Variants in MPDZ observed in about 807,000 individuals in gnomAD.
MPDZ encodes multiple PDZ domain crumbs cell polarity complex component.
MPDZ carries 234 observed loss-of-function variants against 239.1 expected under a neutral mutation model. The ratio of observed to expected loss-of-function variants is 0.98; its 90% CI spans 0.88 to 1.09. The LOEUF (loss-of-function observed/expected upper bound fraction) is 1.09. MPDZ is among the 50% of genes least tolerant of loss of function. The pLI, the probability that MPDZ is intolerant of heterozygous loss-of-function variation, is 0.00. For synonymous variants in MPDZ, 1,048 were observed against 881.3 expected (o/e 1.19, Z -3.35); for missense variants, 3,175 against 2,510.0 (o/e 1.26, Z -5.66).
intron 22 of MPDZ, among the ~76,000 whole-genome samples, chr9:13,164,649 A>T (rs1950848949): frequency 6.6e-6 from 1 of 152,128 alleles, no homozygotes; most frequent in Non-Finnish European, 1.5e-5. Context: ...GTTTTTCTTT[A>T]TATTTGTTCA....
chr9:13,142,906 T>C (rs934218890), intron 27 of MPDZ, among the ~76,000 whole-genome samples: 2 of 152,138 alleles, frequency 1.3e-5, no homozygotes, highest in Admixed American at 6.6e-5. Context: ...TTTGGTTTTA[T>C]AATTTCATCA....
At position 13,186,334 on chromosome 9, in the gene MPDZ, G is replaced by A. The variant is rs773026729; in HGVS notation, c.2417C>T (p.Pro806Leu). 58 of 1,594,552 alleles carry A rather than the reference G, an allele frequency of 3.6e-5. 1 individual carries two copies. The South Asian group carries it at 6.2e-4, about 17-fold the overall frequency. Residue 806 changes from proline to leucine, a missense_variant, in exon 18 of 47, where the codon CCA (proline) becomes CTA (leucine). Pro to Leu is a moderately conservative substitution (Grantham distance 98, BLOSUM62 -3). Coordinates refer to ENST00000319217, the MANE Select transcript of MPDZ (RefSeq NM_001378778.1). ...CCCTGCTTCCTCACAGGAGTGTGGT[G>A]GGTAGAGAAAGGAATCCTCCTTAGC... ...VSAKEDSFLY[P>L]PHSCEEAGLA... is the part of the protein sequence containing the mutation.
In MPDZ at chr9:13,222,353, C is replaced by A. The variant is rs202169679; in HGVS notation, c.627G>T (p.Leu209=). ...TITHQQAISI[L]QKAKDTVQLV... ...GCTGGACAGTATCTTTGGCTTTCTG[C>A]AGGATGCTGATAGCCTGCTGATGTG... The change falls in exon 6 of 47, where the codon CTG becomes CTT. Residue 209 remains leucine, a synonymous_variant. Transcript: ENST00000319217. The A allele has an allele frequency of 3.1e-6, 5 of 1,612,972 alleles. No homozygotes were observed. The highest frequency in any genetic ancestry group is 4.2e-6 in the Non-Finnish European group (5 of 1,179,298).
intron 1 of MPDZ, among the ~76,000 whole-genome samples, chr9:13,272,299 G>A (rs1973161100): frequency 6.6e-6 from 1 of 151,982 alleles, no homozygotes; most frequent in Admixed American, 6.6e-5. Flanking sequence ...GCTAGCTAGG[G>A]AGCAATAACC....
In MPDZ at chr9:13,143,472, G is replaced by T. The variant is rs376910378; in HGVS notation, c.3834C>A (p.Ala1278=). 8.1e-6 allele frequency: 13 copies of T among 1,610,834 alleles called. No individual in the cohort carries two copies. The highest frequency in any genetic ancestry group is 3.3e-4 in the Middle Eastern group (2 of 6,066). The change falls in exon 27 of 47, where the codon GCC becomes GCA. Residue 1278 remains alanine, a synonymous_variant. Coordinates refer to ENST00000319217, the MANE Select transcript of MPDZ (RefSeq NM_001378778.1). ...NPFADSLQIN[A]DKAPSQSESE... ...ACAATGGGCATTATCCAACCTTGTC[G>T]GCGTTGATTTGTAGAGAGTCAGCAA...
intron 23 of MPDZ, among the ~76,000 whole-genome samples, chr9:13,160,070 C>T (rs1950281852): frequency 6.6e-6 from 1 of 152,176 alleles, no homozygotes; most frequent in South Asian, 2.1e-4. Flanking sequence ...GAGAAAGACA[C>T]TGGCAGACAG....
In MPDZ at chr9:13,115,901, T is replaced by C. The variant is rs539728792; in HGVS notation, c.5380-567A>G. Among the ~76,000 whole-genome samples, 21 of 139,388 alleles carry C rather than the reference T, an allele frequency of 1.5e-4. No homozygotes were observed. In the South Asian group the frequency reaches 4.5e-3, roughly 30 times the overall value. 91.4% of individuals were successfully genotyped at this position (139,388 alleles called of 152,430 possible). A position where few individuals can be genotyped will look rare whatever the true frequency, so the allele number is the denominator to read the frequency against. The stretch of plus-strand genomic sequence containing the variant: ...CGGAGCTTGCAGTGAGCCAAGATCA[T>C]GCCACTGCACTCCACCTGGGTGACA... On this transcript the variant is annotated intron_variant, in intron 39 of 46. Transcript: ENST00000319217.
intron 3 of MPDZ, among the ~76,000 whole-genome samples, chr9:13,229,983 C>G (rs1961897443): frequency 1.3e-5 from 2 of 150,928 alleles, no homozygotes; most frequent in Non-Finnish European, 3.0e-5. Context: ...AAAGAAAACT[C>G]AAAATTCAAT....
chr9:13,172,969 T>C (rs1273993501), intron 21 of MPDZ, among the ~76,000 whole-genome samples: 1 of 152,200 alleles, frequency 6.6e-6, no homozygotes, highest in East Asian at 1.9e-4. Flanking sequence ...AAAAGGAAAT[T>C]CTGACACATG....
chr9:13,223,690 A>C lies in MPDZ; in HGVS notation c.414T>G (p.Phe138Leu). The change falls in exon 5 of 47, where the codon TTT becomes TTG. Residue 138 changes from phenylalanine to leucine, a missense_variant. Transcript: ENST00000319217. ...NMAQGRHVEV[F>L]ELLKPPSGGL... ...CTCCAGATGGAGGTTTGAGGAGCTCAAAAACTTCTACATGGCGACCCTGTT... is the reference window on the plus strand; with the variant it reads ...CTCCAGATGGAGGTTTGAGGAGCTCCAAAACTTCTACATGGCGACCCTGTT... The C allele has an allele frequency of 6.2e-7, 1 of 1,606,926 alleles. No homozygotes were observed. The highest frequency in any genetic ancestry group is 8.5e-7 in the Non-Finnish European group (1 of 1,176,382).
intron 3 of MPDZ, among the ~76,000 whole-genome samples, chr9:13,244,537 C>G (rs1013912644): frequency 6.6e-6 from 1 of 152,080 alleles, no homozygotes; most frequent in Non-Finnish European, 1.5e-5. Flanking sequence ...GGCGTTAGAA[C>G]AATACACAAT....
At chr9:13,278,745 G>C (rs907673328) in intron 1 of MPDZ, among the ~76,000 whole-genome samples, 2 of 152,074 alleles carry the variant, frequency 1.3e-5, no homozygotes, top group Admixed American at 6.5e-5. Context: ...GGTGAGGGAC[G>C]GGGCACCGGT....
chr9:13,183,307 G>A, intron 19 of MPDZ, 111 bp downstream of exon 19: 2 of 822,638 alleles, frequency 2.4e-6, no homozygotes, highest in Non-Finnish European at 3.6e-6. Context: ...CACAACTGGA[G>A]AAACATAATG....
At chr9:13,188,671 T>C in intron 17 of MPDZ, 113 bp downstream of exon 17, 1 of 809,330 alleles carries the variant, frequency 1.2e-6, no homozygotes, top group Non-Finnish European at 1.9e-6. Context: ...ATCACGTTGA[T>C]GAAAACTACT....
intron 5 of MPDZ, 115 bp from the exon 6 acceptor site, chr9:13,222,561 T>C: frequency 1.2e-6 from 1 of 825,820 alleles, no homozygotes; most frequent in South Asian, 1.7e-5. Context: ...TCCCACACTC[T>C]AAGCTTTTTC....
rs968442807 is a variant in MPDZ at position 13,125,149 on chromosome 9, G to A, written c.4807+67C>T. On this transcript the variant is annotated intron_variant, in intron 35 of 46. Coordinates refer to ENST00000319217, the MANE Select transcript of MPDZ (RefSeq NM_001378778.1). ...CCACAGGTAGGCAGCTGGCTCCCAA[G>A]CAGAAACCCTCTGCTGAGTTCAGGT... 29 of 1,419,816 alleles carry A rather than the reference G, an allele frequency of 2.0e-5. 1 individual carries two copies. The South Asian group carries it at 4.7e-4, about 23-fold the overall frequency. 88.0% of individuals were successfully genotyped at this position (1,419,816 alleles called of 1,614,324 possible).
intron 3 of MPDZ, among the ~76,000 whole-genome samples, chr9:13,243,756 G>T (rs559233860): frequency 6.6e-6 from 1 of 152,220 alleles, no homozygotes; most frequent in East Asian, 1.9e-4. Context: ...CCTTAATTTT[G>T]TGTGCATACA....
chr9:13,128,356 A>G (rs986650576), intron 32 of MPDZ, among the ~76,000 whole-genome samples: 1 of 152,236 alleles, frequency 6.6e-6, no homozygotes, highest in Non-Finnish European at 1.5e-5. Context: ...CATTGTCCTA[A>G]GAAAATTCAA....
At chr9:13,236,249 G>GTATATATATATATATATA (rs1172287952) in intron 3 of MPDZ, among the ~76,000 whole-genome samples, 1 of 35,850 alleles carries the variant, frequency 2.8e-5, no homozygotes, top group African/African-American at 1.2e-4. Context: ...GTGTGTGTGT[G>GTATATATATATATATATA]TATATATATA....
Sources: allele counts gnomAD v4.1 joint callset (sites outside exome capture counted in the v4.1 genomes callset), GRCh38; gene constraint gnomAD v4.1.1; transcripts MANE v1.5; gene names NCBI Gene and HGNC (gene_info 2026-07-23, HGNC 2026-07-21).